Variants in SCP2 observed in about 807,000 individuals in gnomAD.
The protein encoded by SCP2 is sterol carrier protein 2.
A neutral mutation model predicts 71.4 loss-of-function variants in SCP2; 48 were observed. The ratio of observed to expected loss-of-function variants is 0.67; its 90% CI spans 0.53 to 0.86. The LOEUF is 0.86. SCP2 is among the 40% of genes least tolerant of loss of function. The pLI is 0.00. For synonymous variants in SCP2, 220 were observed against 218.1 expected, an observed-to-expected ratio of 1.01 and a Z score of -0.08; for missense variants, 560 against 655.6, an observed-to-expected ratio of 0.85 and a Z score of 1.59.
At chr1:52,959,019 C>T (rs1656079245) in intron 5 of SCP2, among the ~76,000 whole-genome samples, 1 of 152,058 alleles carries the variant, frequency 6.6e-6, no homozygotes, top group South Asian at 2.1e-4. Flanking sequence ...GCCACCACAC[C>T]CAGTCTAGTT....
At chr1:53,034,115 T>A (rs770372797) in intron 13 of SCP2, among the ~76,000 whole-genome samples, 1 of 151,824 alleles carries the variant, frequency 6.6e-6, no homozygotes, top group Admixed American at 6.6e-5. Context: ...AACACCAAAA[T>A]TTTTAGTACT....
chr1:53,022,026 G>A (rs1661785405), intron 12 of SCP2, among the ~76,000 whole-genome samples: 1 of 152,146 alleles, frequency 6.6e-6, no homozygotes, highest in African/African-American at 2.4e-5. Flanking sequence ...CATTTTAAGT[G>A]TACGTTCAGT....
rs757925702 is a variant in SCP2, at chr1:53,051,040, A to G, written c.*336A>G. On this transcript the variant is annotated 3_prime_UTR_variant, in exon 16 of 16. Coordinates refer to ENST00000371514, the MANE Select transcript of SCP2 (RefSeq NM_002979.5). Reference sequence around the variant, plus strand: ...AAAGCTTTTGTTTTGCTTACAAAGTATATTTAAGGATTATTCTGCTGAAGA... The same window carrying G: ...AAAGCTTTTGTTTTGCTTACAAAGTGTATTTAAGGATTATTCTGCTGAAGA... 13 of 194,766 alleles carry G rather than the reference A, an allele frequency of 6.7e-5. No individual in the cohort carries two copies. Among genetic ancestry groups the G allele is most frequent in the Non-Finnish European group, 1.4e-4 (13 of 93,458 alleles). The allele number at this position is 194,766 out of a possible 1,614,324, so 12.1% of individuals were successfully genotyped here.
chr1:52,997,785 A>G (rs753663486), intron 11 of SCP2, among the ~76,000 whole-genome samples: 28 of 152,228 alleles, frequency 1.8e-4, no homozygotes, highest in Non-Finnish European at 4.0e-4. Context: ...GTTTTTGAAA[A>G]TTATATACAT....
At chr1:53,027,694 G>A (rs1384143141) in intron 12 of SCP2, among the ~76,000 whole-genome samples, 1 of 151,966 alleles carries the variant, frequency 6.6e-6, no homozygotes, top group Non-Finnish European at 1.5e-5. Flanking sequence ...TAGTAGATAC[G>A]GGGTTTCTCC....
At chr1:52,960,341 G>A (rs1230943061) in intron 5 of SCP2, among the ~76,000 whole-genome samples, 1 of 151,638 alleles carries the variant, frequency 6.6e-6, no homozygotes, top group Non-Finnish European at 1.5e-5. Flanking sequence ...GCCACGCCCA[G>A]CTAATTTTTT....
intron 1 of SCP2, among the ~76,000 whole-genome samples, chr1:52,940,156 G>T: frequency 6.6e-6 from 1 of 152,116 alleles, no homozygotes; most frequent in Non-Finnish European, 1.5e-5. Flanking sequence ...TGTAATTGCA[G>T]CACTTTGGAA....
intron 1 of SCP2, among the ~76,000 whole-genome samples, chr1:52,927,810 C>T (rs1197579604): frequency 1.3e-5 from 2 of 152,150 alleles, no homozygotes; most frequent in East Asian, 1.9e-4. Context: ...TCGGCCCTCC[C>T]AGGAACAGCC....
At chr1:52,965,834 C>T (rs1171904911) in intron 6 of SCP2, among the ~76,000 whole-genome samples, 1 of 150,942 alleles carries the variant, frequency 6.6e-6, no homozygotes, top group East Asian at 1.9e-4. Flanking sequence ...TTATTAGAGA[C>T]CTGATTTTAC....
intron 13 of SCP2, among the ~76,000 whole-genome samples, chr1:53,035,762 G>A (rs1662881472): frequency 6.6e-6 from 1 of 152,180 alleles, no homozygotes; most frequent in African/African-American, 2.4e-5. Flanking sequence ...TGAGTACTCT[G>A]TGTGTTGTGG....
intron 14 of SCP2, among the ~76,000 whole-genome samples, chr1:53,047,511 C>T (rs1663897436): frequency 6.6e-6 from 1 of 152,184 alleles, no homozygotes; most frequent in African/African-American, 2.4e-5. Flanking sequence ...CATACAGTTT[C>T]TTTTGTAACT....
intron 13 of SCP2, among the ~76,000 whole-genome samples, chr1:53,028,762 A>C (rs1426078435): frequency 6.6e-6 from 1 of 152,032 alleles, no homozygotes; most frequent in Non-Finnish European, 1.5e-5. Context: ...TAGGGTCAAA[A>C]AAACCTATTG....
At chr1:53,044,407 G>A (rs1282973637) in intron 14 of SCP2, among the ~76,000 whole-genome samples, 1 of 152,152 alleles carries the variant, frequency 6.6e-6, no homozygotes, top group Non-Finnish European at 1.5e-5. Flanking sequence ...TAGCTATTAT[G>A]ACATAATTTG....
At chr1:52,975,393 C>G (rs1348257472) in intron 7 of SCP2, among the ~76,000 whole-genome samples, 1 of 152,118 alleles carries the variant, frequency 6.6e-6, no homozygotes, top group Admixed American at 6.5e-5. Context: ...CTTGGCCAGG[C>G]TGGTCTTGAA....
At chr1:52,933,876 A>C (rs1653400483) in intron 1 of SCP2, among the ~76,000 whole-genome samples, 1 of 152,178 alleles carries the variant, frequency 6.6e-6, no homozygotes, top group Non-Finnish European at 1.5e-5. Flanking sequence ...GATGGTGCAA[A>C]AGTAATGGTG....
At chr1:52,930,471 G>A (rs547948492) in intron 1 of SCP2, among the ~76,000 whole-genome samples, 3 of 152,050 alleles carry the variant, frequency 2.0e-5, no homozygotes, top group African/African-American at 7.2e-5. Flanking sequence ...CTAAAAATAA[G>A]AAAAATTAGC....
intron 2 of SCP2, among the ~76,000 whole-genome samples, chr1:52,942,152 T>A (rs1213798434): frequency 6.6e-6 from 1 of 152,196 alleles, no homozygotes; most frequent in Non-Finnish European, 1.5e-5. Context: ...ATCATTCTAG[T>A]GTGTGTTAAC....
intron 13 of SCP2, among the ~76,000 whole-genome samples, chr1:53,033,340 C>T (rs1047376341): frequency 2.0e-5 from 3 of 152,144 alleles, no homozygotes; most frequent in Admixed American, 6.5e-5. Flanking sequence ...CAGTGGCTCA[C>T]GCCTGTAATC....
chr1:52,953,764 G>A (rs906269551), intron 4 of SCP2, among the ~76,000 whole-genome samples: 1 of 151,480 alleles, frequency 6.6e-6, no homozygotes, highest in Non-Finnish European at 1.5e-5. Flanking sequence ...TGAGGTGGGT[G>A]GATCACTTGA....
Sources: allele counts gnomAD v4.1 joint callset (sites outside exome capture counted in the v4.1 genomes callset), GRCh38; gene constraint gnomAD v4.1.1; transcripts MANE v1.5; gene names NCBI Gene and HGNC (gene_info 2026-07-23, HGNC 2026-07-21).